Variants in PTPRR observed in about 807,000 individuals in gnomAD.
The protein encoded by PTPRR is receptor-type tyrosine-protein phosphatase R.
A neutral mutation model predicts 77.2 loss-of-function variants in PTPRR; 38 were observed. The observed-to-expected ratio is 0.49, with a 90% CI of 0.38 to 0.65. The LOEUF (loss-of-function observed/expected upper bound fraction) is 0.65, where lower values mean the gene tolerates loss of function less well. Among genes scored for constraint, PTPRR ranks in the 30% least tolerant of loss-of-function variants. The probability of loss-of-function intolerance (pLI) is 0.00; values close to 1 mark genes in which losing one functional copy is unlikely to be tolerated. For missense variants in PTPRR, 744 were observed against 799.2 expected (o/e 0.93, Z 0.83); for synonymous variants, 299 against 283.1 (o/e 1.06, Z -0.57).
At chr12:70,906,936 G>A (rs1893631973) in intron 1 of PTPRR, 1 of 152,500 alleles carries the variant, frequency 6.6e-6, no homozygotes, top group African/African-American at 2.4e-5. Context: ...CAGTGCAGTG[G>A]TGTTTACAAC....
chr12:70,874,748 C>G (rs1441290847), intron 2 of PTPRR, among the ~76,000 whole-genome samples: 14 of 151,762 alleles, frequency 9.2e-5, no homozygotes. Flanking sequence ...ATGGTGAAAC[C>G]CTGTCTCCAC....
intron 13 of PTPRR, among the ~76,000 whole-genome samples, chr12:70,647,735 G>T (rs1886251748): frequency 6.6e-6 from 1 of 152,124 alleles, no homozygotes. Context: ...GTTCAGTTTA[G>T]TACTAATGTT....
At chr12:70,727,892 C>T (rs1404751822) in intron 6 of PTPRR, among the ~76,000 whole-genome samples, 1 of 152,160 alleles carries the variant, frequency 6.6e-6, no homozygotes, top group Admixed American at 6.5e-5. Context: ...TAATCAAACT[C>T]TTTTCAAAGC....
chr12:70,690,582 A>T (rs1888021644), intron 8 of PTPRR, among the ~76,000 whole-genome samples: 1 of 152,310 alleles, frequency 6.6e-6, no homozygotes, highest in Non-Finnish European at 1.5e-5. Context: ...ATAGCCCTAA[A>T]TTGCTTATTG....
At chr12:70,651,813 C>T (rs1018499976) in intron 13 of PTPRR, among the ~76,000 whole-genome samples, 4 of 151,810 alleles carry the variant, frequency 2.6e-5, no homozygotes, top group African/African-American at 9.7e-5. Context: ...GGCAAATGTC[C>T]CAGATTCCAA....
intron 2 of PTPRR, among the ~76,000 whole-genome samples, chr12:70,836,163 C>T (rs932736333): frequency 1.2e-4 from 18 of 152,086 alleles, no homozygotes; most frequent in Admixed American, 2.6e-4. Context: ...ATAACCTCAG[C>T]GGTTTCTCAT....
chr12:70,746,018 G>A lies in PTPRR; in HGVS notation c.807C>T (p.Ile269=), dbSNP rs762889783. The A allele has an allele frequency of 6.2e-7, 1 of 1,613,614 alleles. No homozygotes were observed. Among genetic ancestry groups the A allele is most frequent in the East Asian group, 2.2e-5 (1 of 44,886 alleles). Residue 269 remains isoleucine, a synonymous_variant, in exon 6 of 14, where the codon ATC becomes ATT. Coordinates refer to ENST00000283228, the MANE Select transcript of PTPRR (RefSeq NM_002849.4). ...GCTGTAATGTGATGGGCGATAGGTG[G>A]ATCTCCTGGTTTTTCTCTTTGTCTT... ...LRQDKEKNQE[I]HLSPITLQPA...
At chr12:70,721,776 A>G (rs11178378) in intron 6 of PTPRR, among the ~76,000 whole-genome samples, 36,032 of 152,070 alleles carry the variant, frequency 0.24, 4,626 homozygotes, top group East Asian at 0.46. Flanking sequence ...TAGTGAACAA[A>G]TAAACAAAGT....
At position 70,909,330 on chromosome 12, in the gene PTPRR, T is replaced by C. The variant is rs140171539; in HGVS notation, c.58+11003A>G. Among the ~76,000 whole-genome samples, 1,047 of 152,286 alleles carry C rather than the reference T, an allele frequency of 6.9e-3. 19 individuals carry two copies. The highest frequency in any genetic ancestry group is 0.024 in the African/African-American group (989 of 41,560). On this transcript the variant is annotated intron_variant, in intron 1 of 13. Coordinates refer to ENST00000283228, the MANE Select transcript of PTPRR (RefSeq NM_002849.4). Reference sequence around the variant, plus strand: ...CCCCACCACACACACATCAAAGATATGTGGACAGGATTTTCAAATTGGAGT... The same window carrying C: ...CCCCACCACACACACATCAAAGATACGTGGACAGGATTTTCAAATTGGAGT...
At chr12:70,916,271 C>G (rs922865458) in intron 1 of PTPRR, among the ~76,000 whole-genome samples, 2 of 151,902 alleles carry the variant, frequency 1.3e-5, no homozygotes, top group African/African-American at 2.4e-5. Context: ...AAAAGCAAAA[C>G]AGTATGAAAG....
chr12:70,713,955 G>C (rs1051443225), intron 6 of PTPRR, among the ~76,000 whole-genome samples: 3 of 152,210 alleles, frequency 2.0e-5, no homozygotes, highest in Non-Finnish European at 1.5e-5. Flanking sequence ...TTTTGGATGA[G>C]AGCAACATTT....
At chr12:70,882,675 G>T (rs898690758) in intron 2 of PTPRR, among the ~76,000 whole-genome samples, 5 of 151,908 alleles carry the variant, frequency 3.3e-5, no homozygotes, top group Non-Finnish European at 7.4e-5. Context: ...TTCCTTGACA[G>T]ACATTTTCTA....
At chr12:70,675,900 T>C (rs1252379403) in intron 10 of PTPRR, among the ~76,000 whole-genome samples, 3 of 151,896 alleles carry the variant, frequency 2.0e-5, no homozygotes, top group Non-Finnish European at 4.4e-5. Flanking sequence ...GCCTTTTTTT[T>C]TTTGGTTAGT....
intron 2 of PTPRR, among the ~76,000 whole-genome samples, chr12:70,788,078 G>A (rs773653873): frequency 8.9e-4 from 135 of 152,126 alleles, no homozygotes; most frequent in Non-Finnish European, 7.5e-4. Flanking sequence ...AACATTGGGC[G>A]AGGTTTTTCA....
chr12:70,829,083 C>T (rs994370124), intron 2 of PTPRR, among the ~76,000 whole-genome samples: 1 of 151,946 alleles, frequency 6.6e-6, no homozygotes, highest in Non-Finnish European at 1.5e-5. Context: ...GAACTATGGA[C>T]ACATGAAACA....
chr12:70,696,590 A>T (rs767597945), intron 8 of PTPRR, among the ~76,000 whole-genome samples: 16 of 152,120 alleles, frequency 1.1e-4, no homozygotes, highest in Non-Finnish European at 1.9e-4. Context: ...GCACAGCAAC[A>T]TTTTTTTGGT....
chr12:70,763,779 C>G (rs1028413661), intron 3 of PTPRR, among the ~76,000 whole-genome samples: 1 of 152,108 alleles, frequency 6.6e-6, no homozygotes, highest in Non-Finnish European at 1.5e-5. Flanking sequence ...TCCCAAAGTT[C>G]CTTTTCACAT....
intron 6 of PTPRR, among the ~76,000 whole-genome samples, chr12:70,737,808 C>T (rs143258581): frequency 6.6e-6 from 1 of 152,192 alleles, no homozygotes. Context: ...CAGGCGTGAG[C>T]CACCATTTGC....
intron 2 of PTPRR, among the ~76,000 whole-genome samples, chr12:70,862,218 G>A (rs1369148143): frequency 1.3e-5 from 2 of 152,078 alleles, no homozygotes; most frequent in Non-Finnish European, 2.9e-5. Flanking sequence ...CTTCAGCTCT[G>A]CAGCCCTGGA....
Sources: gnomAD v4.1 joint callset for allele counts (sites outside exome capture counted in the v4.1 genomes callset) on GRCh38, gnomAD v4.1.1 for gene constraint, MANE v1.5 for transcripts, NCBI Gene and HGNC (gene_info 2026-07-23, HGNC 2026-07-21) for gene names.